The following MPZL3 variants were observed in gnomAD, a reference collection of about 807,000 sequenced individuals.
MPZL3 encodes the protein myelin protein zero like 3, also known as myelin protein zero-like protein 3.
Under a neutral mutation model 24.8 loss-of-function variants are expected in MPZL3, and 23 were observed. The observed-to-expected ratio is 0.93, with a 90% CI of 0.67 to 1.31. MPZL3 has a LOEUF of 1.31. MPZL3 is among the 40% of genes most tolerant of loss of function. MPZL3 has a pLI of 0.00. For synonymous variants in MPZL3, 99 were observed against 106.5 expected (o/e 0.93, Z 0.44); for missense variants, 277 against 294.9 (o/e 0.94, Z 0.44).
chr11:118,245,606 G>A (rs776736770), intron 1 of MPZL3, among the ~76,000 whole-genome samples: 31 of 152,242 alleles, frequency 2.0e-4, no homozygotes, highest in Non-Finnish European at 3.1e-4. Context: ...GATACCCAAG[G>A]GATAATGTCA....
intron 4 of MPZL3, among the ~76,000 whole-genome samples, chr11:118,234,283 A>T (rs1439239565): frequency 6.6e-6 from 1 of 152,200 alleles, no homozygotes; most frequent in Non-Finnish European, 1.5e-5. Flanking sequence ...ATGCAGTGTG[A>T]TAAGTGTTTT....
Position 118,252,339 on chromosome 11 carries a change from G to T in MPZL3, c.-45C>A. On this transcript the variant is annotated 5_prime_UTR_variant, in exon 1 of 6. Transcript: ENST00000278949. ...CTTGCACACCTTGTTTACAGCTCCC[G>T]GTAACGACACAGGTAACACCGGAAG... The T allele has an allele frequency of 1.3e-6, 2 of 1,592,458 alleles. No individual in the cohort carries two copies. The highest frequency in any genetic ancestry group is 4.5e-5 in the East Asian group (2 of 44,516).
intron 1 of MPZL3, among the ~76,000 whole-genome samples, chr11:118,242,535 A>G (rs1949510343): frequency 6.6e-6 from 1 of 152,122 alleles, no homozygotes; most frequent in African/African-American, 2.4e-5. Context: ...TACCTTCCCA[A>G]TCCCTTCATC....
At position 118,252,323 on chromosome 11, in the gene MPZL3, C is replaced by T; in HGVS notation, c.-29G>A. On this transcript the variant is annotated 5_prime_UTR_variant, in exon 1 of 6. Transcript: ENST00000278949. ...GGCAGCTCTTCAGATGCTTGCACACCTTGTTTACAGCTCCCGGTAACGACA... is the reference window on the plus strand; with the variant it reads ...GGCAGCTCTTCAGATGCTTGCACACTTTGTTTACAGCTCCCGGTAACGACA... The T allele has an allele frequency of 1.2e-6, 2 of 1,608,820 alleles. No homozygotes were observed. The highest frequency in any genetic ancestry group is 1.7e-6 in the Non-Finnish European group (2 of 1,175,874).
intron 2 of MPZL3, among the ~76,000 whole-genome samples, chr11:118,238,382 G>A (rs12275546): frequency 0.63 from 96,165 of 152,000 alleles, 31,805 homozygotes; most frequent in South Asian, 0.81. Context: ...ATGCTGCCTA[G>A]GACTTGATCA....
chr11:118,234,812 G>T (rs979135694), intron 4 of MPZL3, among the ~76,000 whole-genome samples: 1 of 151,960 alleles, frequency 6.6e-6, no homozygotes, highest in Non-Finnish European at 1.5e-5. Context: ...CCCTGACATA[G>T]ATAATGGAGA....
chr11:118,240,027 T>C (rs1237001013), intron 2 of MPZL3, among the ~76,000 whole-genome samples, 184 bp downstream of exon 2: 1 of 152,226 alleles, frequency 6.6e-6, no homozygotes, highest in Non-Finnish European at 1.5e-5. Flanking sequence ...ATTTACAGAA[T>C]TCTTACGTGG....
In MPZL3 at chr11:118,235,607, G is replaced by A. The variant is rs1020362485; in HGVS notation, c.452-18C>T. On this transcript the variant is annotated intron_variant, in intron 3 of 5. Transcript: ENST00000278949. The stretch of plus-strand genomic sequence containing the variant: ...GCCAAAACCTAGAGGCGGAGAAAGA[G>A]AAGGTAAAAGACAGGGACATGCAAA... 11 of 1,611,900 alleles carry A rather than the reference G, an allele frequency of 6.8e-6. No individual in the cohort carries two copies. The highest frequency in any genetic ancestry group is 9.3e-6 in the Non-Finnish European group (11 of 1,178,672).
chr11:118,247,734 A>G (rs576396925), intron 1 of MPZL3, among the ~76,000 whole-genome samples: 52 of 152,082 alleles, frequency 3.4e-4, no homozygotes, highest in African/African-American at 1.3e-3. Flanking sequence ...TTGGCCTCCC[A>G]AAGTGCTGAG....
Position 118,227,773 on chromosome 11 carries a change from C to G in MPZL3, c.*2121G>C, listed in dbSNP as rs1169397874. ...TCACAACACACCTGCGAGGACATTA[C>G]AAGAAGGCCCAGCCAAAATTAGTTC... is the stretch of plus-strand genomic sequence containing the variant. On this transcript the variant is annotated 3_prime_UTR_variant, in exon 6 of 6. Coordinates refer to ENST00000278949, the MANE Select transcript of MPZL3 (RefSeq NM_198275.3). 1.3e-5 allele frequency: 2 copies of G among 152,204 alleles called. No individual in the cohort carries two copies. Among genetic ancestry groups the G allele is most frequent in the African/African-American group, 4.8e-5 (2 of 41,454 alleles). 9.4% of individuals were successfully genotyped at this position (152,204 alleles called of 1,614,324 possible).
chr11:118,246,590 T>C (rs1291943451), intron 1 of MPZL3, among the ~76,000 whole-genome samples: 1 of 146,702 alleles, frequency 6.8e-6, no homozygotes, highest in Non-Finnish European at 1.5e-5. Flanking sequence ...CTTTTCTTTT[T>C]TTTTTTTTTT....
chr11:118,236,321 G>T (rs1591492124), intron 3 of MPZL3, among the ~76,000 whole-genome samples: 1 of 152,038 alleles, frequency 6.6e-6, no homozygotes, highest in Non-Finnish European at 1.5e-5. Flanking sequence ...GAAGAAATGA[G>T]ACAGGGAGAG....
rs991026634 is a variant in MPZL3 at position 118,252,124 on chromosome 11, G to A, written c.73+98C>T. 16 of 1,202,218 alleles carry A rather than the reference G, an allele frequency of 1.3e-5. No homozygotes were observed. In the African/African-American group the frequency reaches 2.1e-4, roughly 16 times the overall value. 74.5% of individuals were successfully genotyped at this position (1,202,218 alleles called of 1,614,324 possible). Reference sequence around the variant, plus strand: ...CCCTCCTTCCTTCCCAGAGCTATGCGGGGGCTTTCTGGAGACCCCCCTACC... The same window carrying A: ...CCCTCCTTCCTTCCCAGAGCTATGCAGGGGCTTTCTGGAGACCCCCCTACC... On this transcript the variant is annotated intron_variant, in intron 1 of 5. Transcript: ENST00000278949.
chr11:118,230,345 T>C lies in MPZL3; in HGVS notation c.682-425A>G, dbSNP rs1263972090. 3.3e-5 allele frequency among the ~76,000 whole-genome samples: 5 copies of C among 152,184 alleles called. No individual in the cohort carries two copies. The East Asian group carries it at 9.6e-4, about 29-fold the overall frequency. On this transcript the variant is annotated intron_variant, in intron 5 of 5. Transcript: ENST00000278949. ...TTCCACCTCTTGTGGCTGTGTGACC[T>C]TGGATAAAGTTATTAACTTCTCTAA...
At chr11:118,249,818 C>T (rs865837958) in intron 1 of MPZL3, among the ~76,000 whole-genome samples, 7 of 151,952 alleles carry the variant, frequency 4.6e-5, no homozygotes, top group African/African-American at 1.7e-4. Context: ...TTCAAATAAT[C>T]TAATAATTTA....
chr11:118,231,399 C>A (rs1949349113), intron 5 of MPZL3, among the ~76,000 whole-genome samples: 1 of 152,120 alleles, frequency 6.6e-6, no homozygotes, highest in Admixed American at 6.6e-5. Context: ...TCCTAGAAAT[C>A]TTGGAGGGCC....
At chr11:118,233,615 G>A in intron 4 of MPZL3, 92 bp from the exon 5 acceptor site, 1 of 1,322,504 alleles carries the variant, frequency 7.6e-7, no homozygotes, top group Admixed American at 1.8e-5. Flanking sequence ...AGACAGGTCT[G>A]GTTTTAGATT....
At chr11:118,236,932 G>T in intron 3 of MPZL3, 118 bp downstream of exon 3, 1 of 797,230 alleles carries the variant, frequency 1.3e-6, no homozygotes, top group South Asian at 2.0e-5. Context: ...TCGATTCAAT[G>T]ATTTAATGAC....
intron 1 of MPZL3, among the ~76,000 whole-genome samples, chr11:118,251,078 CGTGT>C (rs3221165): frequency 0.029 from 4,211 of 144,322 alleles, 70 homozygotes; most frequent in East Asian, 0.08. Context: ...GAATATTTCT[CGTGT>C]GTGTGTGTGT....
Sources: gnomAD v4.1 joint callset for allele counts (sites outside exome capture counted in the v4.1 genomes callset) on GRCh38, gnomAD v4.1.1 for gene constraint, MANE v1.5 for transcripts, NCBI Gene and HGNC (gene_info 2026-07-23, HGNC 2026-07-21) for gene names.